The following PTPRD variants were observed in gnomAD, a reference collection of about 807,000 sequenced individuals.
PTPRD encodes protein tyrosine phosphatase receptor type D, also known as receptor-type tyrosine-protein phosphatase delta.
Under a neutral mutation model 214.5 loss-of-function variants are expected in PTPRD, and 34 were observed. The observed-to-expected ratio is 0.16, with a 90% CI of 0.12 to 0.21. PTPRD has a LOEUF of 0.21. Ranked by LOEUF, PTPRD falls within the 10% of genes least tolerant of loss-of-function variation. The pLI is 1.00. For missense variants in PTPRD, 2,545 were observed against 2,398.7 expected (o/e 1.06, Z -1.27); for synonymous variants, 1,128 against 845.7 (o/e 1.33, Z -5.79).
At chr9:9,819,067 G>C (rs1046809148) in intron 5 of PTPRD, among the ~76,000 whole-genome samples, 1 of 152,064 alleles carries the variant, frequency 6.6e-6, no homozygotes, top group South Asian at 2.1e-4. Context: ...AATGTTCCCT[G>C]ATAGGTAGCA....
chr9:9,294,945 T>C (rs1952497321), intron 9 of PTPRD, among the ~76,000 whole-genome samples: 1 of 151,740 alleles, frequency 6.6e-6, no homozygotes, highest in Non-Finnish European at 1.5e-5. Context: ...TTAAGTGAAA[T>C]ATTAGGCAAT....
chr9:9,759,555 C>CTTTTTT (rs3050068), intron 6 of PTPRD, among the ~76,000 whole-genome samples: 21 of 117,852 alleles, frequency 1.8e-4, no homozygotes, highest in African/African-American at 4.8e-4. Flanking sequence ...CAAGGTCTGT[C>CTTTTTT]TTTTTTTTTT....
chr9:9,873,552 G>C (rs1600489889), intron 5 of PTPRD, among the ~76,000 whole-genome samples: 1 of 151,896 alleles, frequency 6.6e-6, no homozygotes. Flanking sequence ...AAGGAGGAGG[G>C]CACAGAATTT....
At position 8,329,875 on chromosome 9, in the gene PTPRD, G is replaced by GAA. The variant is rs1838031371; in HGVS notation, c.5534+1705_5534+1706dup. ...AGATGCCTCTCCCCTCACGAAGCTCGAATGGCCCAGGTGGACCTCAGACAG... is the reference window on the plus strand; with the variant it reads ...AGATGCCTCTCCCCTCACGAAGCTCGAAAATGGCCCAGGTGGACCTCAGACAG... On this transcript the variant is annotated intron_variant, in intron 44 of 45. Transcript: ENST00000381196. Among the ~76,000 whole-genome samples the GAA allele has an allele frequency of 2.0e-5, 3 of 150,748 alleles. No homozygotes were observed. The South Asian group carries it at 6.4e-4, about 32-fold the overall frequency.
chr9:8,607,156 G>A (rs2095257205), intron 14 of PTPRD, among the ~76,000 whole-genome samples: 1 of 152,122 alleles, frequency 6.6e-6, no homozygotes, highest in African/African-American at 2.4e-5. Flanking sequence ...CTTGAAAAAT[G>A]CTAAGAGGGC....
intron 2 of PTPRD, among the ~76,000 whole-genome samples, chr9:10,468,486 ACGGGCCTGT>A (rs1480510909): frequency 6.6e-6 from 1 of 151,968 alleles, no homozygotes; most frequent in Non-Finnish European, 1.5e-5. Context: ...AACATCACAC[ACGGGCCTGT>A]TGGGCAGTAG....
chr9:9,051,342 A>G (rs962208307), intron 10 of PTPRD, among the ~76,000 whole-genome samples: 4 of 152,186 alleles, frequency 2.6e-5, no homozygotes, highest in African/African-American at 9.6e-5. Flanking sequence ...ATACTTTCAA[A>G]TTGGCCAACA....
chr9:9,028,319 A>C (rs1289627698), intron 10 of PTPRD, among the ~76,000 whole-genome samples: 1 of 151,974 alleles, frequency 6.6e-6, no homozygotes, highest in Non-Finnish European at 1.5e-5. Context: ...TTCAGCTATC[A>C]ATATTCTCAC....
chr9:9,779,480 G>A (rs1270242802), intron 5 of PTPRD, among the ~76,000 whole-genome samples: 1 of 152,044 alleles, frequency 6.6e-6, no homozygotes, highest in Non-Finnish European at 1.5e-5. Context: ...TATCCGGAAT[G>A]TATAAGAAAC....
At chr9:9,123,565 C>A (rs1265118879) in intron 10 of PTPRD, among the ~76,000 whole-genome samples, 1 of 151,914 alleles carries the variant, frequency 6.6e-6, no homozygotes, top group Non-Finnish European at 1.5e-5. Context: ...CCAATGGCAT[C>A]AAGAAAGCCA....
chr9:8,745,637 C>T (rs1006934087), intron 11 of PTPRD, among the ~76,000 whole-genome samples: 4 of 152,116 alleles, frequency 2.6e-5, no homozygotes, highest in Admixed American at 6.5e-5. Flanking sequence ...AGTTTATAGA[C>T]GTGCTTGGAA....
At chr9:9,220,231 CAT>C (rs2099954947) in intron 9 of PTPRD, among the ~76,000 whole-genome samples, 1 of 151,462 alleles carries the variant, frequency 6.6e-6, no homozygotes, top group South Asian at 2.1e-4. Flanking sequence ...AATTATTGTA[CAT>C]GTTACTAAAA....
intron 7 of PTPRD, among the ~76,000 whole-genome samples, chr9:9,648,518 T>C (rs969653993): frequency 3.9e-5 from 6 of 152,204 alleles, no homozygotes; most frequent in East Asian, 1.9e-4. Context: ...ATCTCAGACA[T>C]TGATGCTGGA....
chr9:8,761,057 CAT>C (rs1433489826), intron 11 of PTPRD, among the ~76,000 whole-genome samples: 2 of 152,138 alleles, frequency 1.3e-5, no homozygotes, highest in African/African-American at 4.8e-5. Context: ...TTTTACATCT[CAT>C]GTGTCAGCAG....
chr9:8,859,702 C>T (rs186298001), intron 11 of PTPRD, among the ~76,000 whole-genome samples: 1 of 151,918 alleles, frequency 6.6e-6, no homozygotes, highest in East Asian at 1.9e-4. Context: ...TGAAAGCCAC[C>T]GAAGGATTGG....
chr9:10,524,333 C>T (rs1356929021), intron 2 of PTPRD, among the ~76,000 whole-genome samples: 1 of 151,988 alleles, frequency 6.6e-6, no homozygotes, highest in Non-Finnish European at 1.5e-5. Flanking sequence ...AATTTAAAGT[C>T]ATTGTGTTTG....
At chr9:8,693,425 A>G (rs1176157214) in intron 12 of PTPRD, among the ~76,000 whole-genome samples, 2 of 152,234 alleles carry the variant, frequency 1.3e-5, no homozygotes, top group African/African-American at 4.8e-5. Context: ...AAGAAACTGT[A>G]TCCTAGCAAC....
At chr9:8,908,766 T>C (rs2098725800) in intron 11 of PTPRD, among the ~76,000 whole-genome samples, 2 of 151,274 alleles carry the variant, frequency 1.3e-5, no homozygotes, top group South Asian at 2.1e-4. Flanking sequence ...TAAAGAAATA[T>C]AAAAATAATA....
chr9:8,644,333 G>A (rs1210500868), intron 12 of PTPRD, among the ~76,000 whole-genome samples: 1 of 152,080 alleles, frequency 6.6e-6, no homozygotes, highest in Non-Finnish European at 1.5e-5. Flanking sequence ...TGCCCACTAT[G>A]GGTCTCCTCT....
Sources: allele counts gnomAD v4.1 joint callset (sites outside exome capture counted in the v4.1 genomes callset), GRCh38; gene constraint gnomAD v4.1.1; transcripts MANE v1.5; gene names NCBI Gene and HGNC (gene_info 2026-07-23, HGNC 2026-07-21).